The following CFAP65 variants were observed in gnomAD, a reference collection of about 807,000 sequenced individuals.
CFAP65 encodes the protein cilia- and flagella-associated protein 65.
A neutral mutation model predicts 208.0 loss-of-function variants in CFAP65; 155 were observed. That is an observed-to-expected ratio of 0.75 (90% CI 0.65 to 0.85). The LOEUF is 0.85. CFAP65 is among the 40% of genes least tolerant of loss of function. The probability of loss-of-function intolerance (pLI) is 0.00; values close to 1 mark genes in which losing one functional copy is unlikely to be tolerated. For synonymous variants in CFAP65, 970 were observed against 986.3 expected (o/e 0.98, Z 0.31); for missense variants, 2,294 against 2,451.3 (o/e 0.94, Z 1.36).
At position 219,003,059 on chromosome 2, in the gene CFAP65, G is replaced by C. The variant is rs766624456; in HGVS notation, c.5694-38C>G. On this transcript the variant is annotated intron_variant, in intron 34 of 34. Transcript: ENST00000341552. The surrounding 1 kb of genome is among the most constrained non-coding windows in gnomAD (Gnocchi z 4.4). Reference sequence around the variant, plus strand: ...AAGTCCCAGGTAGGCGTGGGGGCGAGGCTTCGGGCAGAGCCTGGCTGCCCC... The same window carrying C: ...AAGTCCCAGGTAGGCGTGGGGGCGACGCTTCGGGCAGAGCCTGGCTGCCCC... 2 of 1,551,110 alleles carry C rather than the reference G, an allele frequency of 1.3e-6. No homozygotes were observed. The highest frequency in any genetic ancestry group is 2.4e-5 in the South Asian group (2 of 84,080).
chr2:219,021,560 G>A (rs1947263683), intron 18 of CFAP65, among the ~76,000 whole-genome samples: 1 of 152,156 alleles, frequency 6.6e-6, no homozygotes, highest in Non-Finnish European at 1.5e-5. Flanking sequence ...TCAGAGGTGG[G>A]GTCTCGCTAT....
chr2:219,028,350 G>T lies in CFAP65; in HGVS notation c.1702C>A (p.Pro568Thr), dbSNP rs763930287. 6.2e-7 allele frequency: 1 copy of T among 1,613,866 alleles called. No individual in the cohort carries two copies. Among genetic ancestry groups the T allele is most frequent in the South Asian group, 1.1e-5 (1 of 91,058 alleles). The change falls in exon 12 of 35, where the codon CCA becomes ACA. Residue 568 changes from proline (P) to threonine (T), a missense_variant. Physicochemically the swap from Pro to Thr is conservative, Grantham distance 38. Coordinates refer to ENST00000341552, the MANE Select transcript of CFAP65 (RefSeq NM_194302.4). Reference protein sequence around the residue: ...MGTCHSDSTKPAILKPQHLTW... With the variant: ...MGTCHSDSTKTAILKPQHLTW... ...AGGTGCTGAGGCTTCAGGATGGCTG[G>T]CTTGGTGCTGTCCGAGTGGCAGGTC...
intron 8 of CFAP65, 134 bp from the exon 9 acceptor site, chr2:219,030,968 CCTT>C: frequency 7.0e-7 from 1 of 1,432,962 alleles, no homozygotes; most frequent in South Asian, 1.4e-5. Context: ...AAAGGCAAAG[CCTT>C]CTGGGCTTGG....
intron 2 of CFAP65, among the ~76,000 whole-genome samples, chr2:219,040,316 A>T (rs1368683714): frequency 6.6e-6 from 1 of 152,174 alleles, no homozygotes; most frequent in Non-Finnish European, 1.5e-5. Context: ...GTTCCATCAG[A>T]CACTCTCTTA....
intron 27 of CFAP65, among the ~76,000 whole-genome samples, 159 bp from the exon 28 acceptor site, chr2:219,009,619 AATGGGATGGGATGGG>A (rs58969836): frequency 9.9e-6 from 1 of 101,166 alleles, no homozygotes; most frequent in Non-Finnish European, 1.8e-5. Context: ...GACAAGATGG[AATGGGATGGGATGGG>A]ATGGGATGGG....
rs1006002429 is a variant in CFAP65 at position 219,004,885 on chromosome 2, T to C, written c.5052-430A>G. On this transcript the variant is annotated intron_variant, in intron 32 of 34. Coordinates refer to ENST00000341552, the MANE Select transcript of CFAP65 (RefSeq NM_194302.4). The surrounding 1 kb of genome is among the most constrained non-coding windows in gnomAD (Gnocchi z 4.7). Reference sequence around the variant, plus strand: ...AAGAAGTTCTGTTTCTTTTTTTCTTTTCTCTCTCTCTCTATTTCTCTCTTT... The same window carrying C: ...AAGAAGTTCTGTTTCTTTTTTTCTTCTCTCTCTCTCTCTATTTCTCTCTTT... 2.0e-5 allele frequency among the ~76,000 whole-genome samples: 3 copies of C among 147,556 alleles called. No individual in the cohort carries two copies. Among genetic ancestry groups the C allele is most frequent in the Non-Finnish European group, 4.4e-5 (3 of 67,746 alleles).
In CFAP65 at chr2:219,008,967, C is replaced by A. The variant is rs190488030; in HGVS notation, c.4674+80G>T. The stretch of plus-strand genomic sequence containing the variant: ...TGGCTGGTTTGGCCTGGAGGGCCAC[C>A]TTGGCCCACTACCTCTGTCCCCTCT... On this transcript the variant is annotated intron_variant, in intron 29 of 34. Transcript: ENST00000341552. 17 of 1,235,670 alleles carry A rather than the reference C, an allele frequency of 1.4e-5. No individual in the cohort carries two copies. The East Asian group carries it at 3.8e-4, about 27-fold the overall frequency. 76.5% of individuals were successfully genotyped at this position (1,235,670 alleles called of 1,614,324 possible). A position where few individuals can be genotyped will look rare whatever the true frequency, so the allele number is the denominator to read the frequency against.
In CFAP65 at chr2:219,038,974, A is replaced by G. The variant is rs1320458149; in HGVS notation, c.75T>C (p.Ser25=). The change falls in exon 3 of 35, where the codon TCT becomes TCC. Residue 25 remains serine, a synonymous_variant. Transcript: ENST00000341552. ...KVENPSVSFA[S]SFPLIPLLLR... is the part of the protein sequence containing the mutation. ...GGAGAAGAGGAATAAGGGGGAAAGA[A>G]GAGGCAAATGAGACTGATGGATTCT... 2 of 1,613,854 alleles carry G rather than the reference A, an allele frequency of 1.2e-6. No individual in the cohort carries two copies. The highest frequency in any genetic ancestry group is 2.7e-5 in the African/African-American group (2 of 74,922).
In CFAP65 at chr2:219,009,120, T is replaced by C; in HGVS notation, c.4601A>G (p.Lys1534Arg). The change falls in exon 29 of 35, where the codon AAG becomes AGG. Residue 1534 changes from lysine to arginine, a missense_variant. Transcript: ENST00000341552. Reference protein sequence around the residue: ...YSQQLMRQYHKELQEWKDEKV... With the variant: ...YSQQLMRQYHRELQEWKDEKV... ...CTCGTCCTTCCACTCCTGCAGCTCC[T>C]TGTGATACTGCCTCATGAGCTGCTG... 1 of 1,612,918 alleles carries C rather than the reference T, an allele frequency of 6.2e-7. No individual in the cohort carries two copies. The highest frequency in any genetic ancestry group is 1.1e-5 in the South Asian group (1 of 91,076).
In CFAP65 at chr2:219,009,027, A is replaced by T. The variant is rs771535106; in HGVS notation, c.4674+20T>A. 1.9e-6 allele frequency: 3 copies of T among 1,592,578 alleles called. No individual in the cohort carries two copies. The highest frequency in any genetic ancestry group is 2.6e-6 in the Non-Finnish European group (3 of 1,161,832). ...AGTCAGAAAGATCTGGGTGTTTGAG[A>T]TCTACTCAGCCCTCCTCACCTTCAC... On this transcript the variant is annotated intron_variant, in intron 29 of 34. Coordinates refer to ENST00000341552, the MANE Select transcript of CFAP65 (RefSeq NM_194302.4).
intron 1 of CFAP65, 153 bp downstream of exon 1, chr2:219,041,335 A>G: frequency 1.4e-6 from 1 of 689,848 alleles, no homozygotes; most frequent in Non-Finnish European, 2.5e-6. Flanking sequence ...ATCTCGCCCA[A>G]GACTCAGTCC....
Position 219,010,985 on chromosome 2 carries a change from C to A in CFAP65, c.3969G>T (p.Leu1323=). ...DTLPPRQIYE[L]YNGGSVPVTY... is the part of the protein sequence containing the mutation. ...TCACGGGCACTGAGCCACCATTATA[C>A]AGCTCATAAATCTGCAGGGGGCAGG... The change falls in exon 25 of 35, where the codon CTG becomes CTT. Residue 1323 remains leucine (L), a synonymous_variant. Coordinates refer to ENST00000341552, the MANE Select transcript of CFAP65 (RefSeq NM_194302.4). 6.2e-7 allele frequency: 1 copy of A among 1,606,762 alleles called. No individual in the cohort carries two copies. The highest frequency in any genetic ancestry group is 8.5e-7 in the Non-Finnish European group (1 of 1,174,366).
At chr2:219,013,231 G>T (rs1377576634) in intron 24 of CFAP65, 28 bp downstream of exon 24, 10 of 1,480,146 alleles carry the variant, frequency 6.8e-6, no homozygotes, top group Non-Finnish European at 9.4e-6. Context: ...AGGCCTTCTT[G>T]GTCAACAGGA....
intron 11 of CFAP65, among the ~76,000 whole-genome samples, chr2:219,029,130 C>T (rs889540244): frequency 6.6e-6 from 1 of 152,198 alleles, no homozygotes; most frequent in Non-Finnish European, 1.5e-5. Context: ...TGGGAGGCTG[C>T]GAGTCCAAGC....
Position 219,029,608 on chromosome 2 carries a change from C to T in CFAP65, c.1445G>A (p.Arg482His), listed in dbSNP as rs117885048. Residue 482 changes from arginine (R) to histidine (H), a missense_variant, in exon 11 of 35, where the codon CGC becomes CAC. Physicochemically the swap from Arg to His is conservative, Grantham distance 29. Coordinates refer to ENST00000341552, the MANE Select transcript of CFAP65 (RefSeq NM_194302.4). Reference protein sequence around the residue: ...VNFSWVNLGERSEQPLWIENQ... With the variant: ...VNFSWVNLGEHSEQPLWIENQ... ...CTCAATCCACAGGGGCTGCTCGGAG[C>T]GCTCCCCAAGGTTGACCCAGCTGAA... 2.1e-3 allele frequency: 3,337 copies of T among 1,614,110 alleles called. 133 individuals are homozygous for T. The East Asian group carries it at 0.069, about 33-fold the overall frequency.
At chr2:219,034,379 T>G (rs1178178542) in intron 5 of CFAP65, 1 of 152,140 alleles carries the variant, frequency 6.6e-6, no homozygotes, top group African/African-American at 2.4e-5. Flanking sequence ...TAAAAATCAA[T>G]TCCATATAGA....
At chr2:219,024,980 C>T (rs573804902) in intron 14 of CFAP65, among the ~76,000 whole-genome samples, 1 of 152,336 alleles carries the variant, frequency 6.6e-6, no homozygotes, top group African/African-American at 2.4e-5. Flanking sequence ...CTAGATGATT[C>T]TCATGCAGGT....
chr2:219,003,344 G>C lies in CFAP65; in HGVS notation c.5556-72C>G, dbSNP rs1340552485. On this transcript the variant is annotated intron_variant, in intron 33 of 34. Coordinates refer to ENST00000341552, the MANE Select transcript of CFAP65 (RefSeq NM_194302.4). The surrounding 1 kb of genome is among the most constrained non-coding windows in gnomAD (Gnocchi z 4.4). ...CGCCTCCTCGCTCGCCTGTCCGTGC[G>C]GTACATTGTGCCGCGAGCTCTACGG... is the stretch of plus-strand genomic sequence containing the variant. The C allele has an allele frequency of 6.9e-7, 1 of 1,453,088 alleles. No homozygotes were observed. The highest frequency in any genetic ancestry group is 2.5e-5 in the East Asian group (1 of 39,786). 90.0% of individuals were successfully genotyped at this position (1,453,088 alleles called of 1,614,324 possible). A position where few individuals can be genotyped will look rare whatever the true frequency, so the allele number is the denominator to read the frequency against.
At chr2:219,019,434 G>A in intron 20 of CFAP65, 72 bp downstream of exon 20, 2 of 1,325,532 alleles carry the variant, frequency 1.5e-6, no homozygotes, top group Non-Finnish European at 2.1e-6. Flanking sequence ...GGGAGTCTGG[G>A]CAGAAAGCTC....
Sources: allele counts gnomAD v4.1 joint callset (sites outside exome capture counted in the v4.1 genomes callset), GRCh38; gene constraint gnomAD v4.1.1; non-coding constraint Gnocchi (gnomAD v3.1); transcripts MANE v1.5; gene names NCBI Gene and HGNC (gene_info 2026-07-23, HGNC 2026-07-21).